The following MSI2 variants were observed in gnomAD, a reference collection of about 807,000 sequenced individuals.
The protein encoded by MSI2 is RNA-binding protein Musashi homolog 2.
Under a neutral mutation model 45.6 loss-of-function variants are expected in MSI2, and 17 were observed. That is an observed-to-expected ratio of 0.37 (90% CI 0.26 to 0.56). The LOEUF (loss-of-function observed/expected upper bound fraction) is 0.56. Among genes scored for constraint, MSI2 ranks in the 20% least tolerant of loss-of-function variants. The pLI is 0.77. For synonymous variants in MSI2, 156 were observed against 158.2 expected, an observed-to-expected ratio of 0.99 and a Z score of 0.11; for missense variants, 293 against 444.2, an observed-to-expected ratio of 0.66 and a Z score of 3.06.
At chr17:57,636,926 C>T (rs949525147) in intron 10 of MSI2, among the ~76,000 whole-genome samples, 3 of 152,180 alleles carry the variant, frequency 2.0e-5, no homozygotes, top group African/African-American at 7.2e-5. Flanking sequence ...AGCATGGACT[C>T]GTGCGTCCAG....
At chr17:57,493,659 C>T (rs980576557) in intron 6 of MSI2, among the ~76,000 whole-genome samples, 8 of 150,144 alleles carry the variant, frequency 5.3e-5, no homozygotes, top group Admixed American at 4.0e-4. Flanking sequence ...TCTTGAGCTG[C>T]GGGATGATCT....
chr17:57,636,762 CCTGA>C (rs1267266031), intron 10 of MSI2, among the ~76,000 whole-genome samples: 1 of 152,222 alleles, frequency 6.6e-6, no homozygotes, highest in Non-Finnish European at 1.5e-5. Context: ...CACTAGGACC[CCTGA>C]CAGACCCTCA....
At chr17:57,395,965 T>TC (rs2083881010) in intron 5 of MSI2, among the ~76,000 whole-genome samples, 1 of 152,234 alleles carries the variant, frequency 6.6e-6, no homozygotes, top group African/African-American at 2.4e-5. Context: ...GTTTGCAGCA[T>TC]CCTACCCAGT....
chr17:57,351,334 C>A (rs1344352299), intron 5 of MSI2, among the ~76,000 whole-genome samples: 1 of 152,092 alleles, frequency 6.6e-6, no homozygotes, highest in African/African-American at 2.4e-5. Context: ...CAGGGCCCAT[C>A]ATAGTGGGGT....
intron 5 of MSI2, among the ~76,000 whole-genome samples, chr17:57,291,320 CT>C (rs1221075351): frequency 6.6e-6 from 1 of 152,188 alleles, no homozygotes; most frequent in Non-Finnish European, 1.5e-5. Flanking sequence ...CCGGAGTGTT[CT>C]GAAATACAGC....
intron 5 of MSI2, among the ~76,000 whole-genome samples, chr17:57,311,044 CAT>C (rs773678109): frequency 1.3e-5 from 2 of 152,234 alleles, no homozygotes; most frequent in African/African-American, 2.4e-5. Context: ...TTCTCTGCAA[CAT>C]GTGTCAAATT....
chr17:57,442,098 G>A (rs1417756311), intron 6 of MSI2, among the ~76,000 whole-genome samples: 3 of 150,830 alleles, frequency 2.0e-5, no homozygotes, highest in Non-Finnish European at 2.9e-5. Context: ...GTGCAGTGGT[G>A]CGATCTCGGC....
At chr17:57,300,488 A>G (rs1269257099) in intron 5 of MSI2, among the ~76,000 whole-genome samples, 3 of 152,204 alleles carry the variant, frequency 2.0e-5, no homozygotes, top group Non-Finnish European at 2.9e-5. Flanking sequence ...TGTACTACAA[A>G]TATGATTTAC....
At chr17:57,691,615 TACTTA>T in the MSI2 span, among the ~76,000 whole-genome samples, 12 of 152,200 alleles carry the variant, frequency 7.9e-5, no homozygotes, top group African/African-American at 2.4e-4. Context: ...GTTTAAAGGG[TACTTA>T]ACTTAAAATT....
At chr17:57,321,617 C>A (rs1913351924) in intron 5 of MSI2, among the ~76,000 whole-genome samples, 1 of 152,106 alleles carries the variant, frequency 6.6e-6, no homozygotes. Context: ...TGCCTGCTCA[C>A]CTGAGGAGCC....
intron 5 of MSI2, among the ~76,000 whole-genome samples, chr17:57,354,677 A>G (rs1916290125): frequency 6.6e-6 from 1 of 152,090 alleles, no homozygotes; most frequent in Admixed American, 6.5e-5. Context: ...AGGTGAGAGC[A>G]GAGAGGGTGT....
intron 5 of MSI2, among the ~76,000 whole-genome samples, chr17:57,395,073 G>A (rs985139759): frequency 2.6e-5 from 4 of 152,144 alleles, no homozygotes; most frequent in African/African-American, 4.8e-5. Context: ...GTGGTTGCCC[G>A]CAATTCTTGG....
chr17:57,697,382 G>A, the MSI2 span, among the ~76,000 whole-genome samples: 1 of 151,748 alleles, frequency 6.6e-6, no homozygotes. Context: ...CGTTCTCACA[G>A]CTTCACGCAC....
intron 6 of MSI2, among the ~76,000 whole-genome samples, chr17:57,469,301 A>G (rs1402304523): frequency 2.0e-5 from 3 of 152,250 alleles, no homozygotes; most frequent in African/African-American, 7.2e-5. Flanking sequence ...CTAAACAAGA[A>G]AACCAATTAT....
At chr17:57,619,757 G>A (rs1285864036) in intron 9 of MSI2, among the ~76,000 whole-genome samples, 1 of 152,160 alleles carries the variant, frequency 6.6e-6, no homozygotes, top group Non-Finnish European at 1.5e-5. Flanking sequence ...TCTGAACAGC[G>A]CCTGCTCGCT....
chr17:57,637,822 A>C (rs1909954422), intron 10 of MSI2, among the ~76,000 whole-genome samples: 1 of 152,218 alleles, frequency 6.6e-6, no homozygotes, highest in Non-Finnish European at 1.5e-5. Context: ...GGATGGCAGC[A>C]GCTACAGTGA....
chr17:57,364,002 G>A (rs569328127), intron 5 of MSI2, among the ~76,000 whole-genome samples: 3 of 152,162 alleles, frequency 2.0e-5, no homozygotes, highest in Non-Finnish European at 4.4e-5. Context: ...CTCCATCCCC[G>A]TGCTGACCTG....
intron 7 of MSI2, among the ~76,000 whole-genome samples, chr17:57,576,605 C>A (rs113897990): frequency 0.2 from 30,868 of 151,838 alleles, 3,249 homozygotes; most frequent in Middle Eastern, 0.26. Context: ...AAAATACAAA[C>A]ATTAGTGGCA....
chr17:57,438,164 G>T (rs551477956), intron 6 of MSI2, among the ~76,000 whole-genome samples: 1 of 152,202 alleles, frequency 6.6e-6, no homozygotes, highest in Non-Finnish European at 1.5e-5. Flanking sequence ...GGTTTAGCCC[G>T]AGCTGGGGTG....
Sources: gnomAD v4.1 joint callset for allele counts (sites outside exome capture counted in the v4.1 genomes callset) on GRCh38, gnomAD v4.1.1 for gene constraint, MANE v1.5 for transcripts, NCBI Gene and HGNC (gene_info 2026-07-23, HGNC 2026-07-21) for gene names.